The following CNTNAP4 variants were observed in gnomAD, a reference collection of about 807,000 sequenced individuals.
CNTNAP4 encodes contactin-associated protein-like 4.
A neutral mutation model predicts 148.4 loss-of-function variants in CNTNAP4; 98 were observed. That is an observed-to-expected ratio of 0.66 (90% confidence interval 0.56 to 0.78). The LOEUF (loss-of-function observed/expected upper bound fraction) is 0.78, where lower values mean the gene tolerates loss of function less well. Among genes scored for constraint, CNTNAP4 ranks in the 30% least tolerant of loss-of-function variants. The pLI, the probability that CNTNAP4 is intolerant of heterozygous loss-of-function variation, is 0.00. For synonymous variants in CNTNAP4, 730 were observed against 565.1 expected (o/e 1.29, Z -4.14); for missense variants, 1,935 against 1,565.6 (o/e 1.24, Z -3.98).
intron 8 of CNTNAP4, among the ~76,000 whole-genome samples, chr16:76,454,190 C>A (rs2080633193): frequency 6.6e-6 from 1 of 151,346 alleles, no homozygotes; most frequent in Non-Finnish European, 1.5e-5. Flanking sequence ...TCTCAGCTCA[C>A]CGCAACCTCC....
chr16:76,523,298 C>G (rs931419240), intron 17 of CNTNAP4, among the ~76,000 whole-genome samples: 6 of 137,330 alleles, frequency 4.4e-5, no homozygotes, highest in Admixed American at 1.6e-4. Context: ...GAAAAGAAAA[C>G]AAAACAGATA....
At position 76,558,999 on chromosome 16, in the gene CNTNAP4, T is replaced by A. The variant is rs1046725189; in HGVS notation, c.*316T>A. The A allele has an allele frequency of 5.6e-6, 1 of 179,640 alleles. No individual in the cohort carries two copies. The highest frequency in any genetic ancestry group is 2.3e-5 in the African/African-American group (1 of 42,644). The allele number at this position is 179,640 out of a possible 1,614,324, so 11.1% of individuals were successfully genotyped here. Reference sequence around the variant, plus strand: ...AACTGTAGCCTTGGTCTCTTAACCATGTAATACATAAGTTTTGTTAGAGGT... The same window carrying A: ...AACTGTAGCCTTGGTCTCTTAACCAAGTAATACATAAGTTTTGTTAGAGGT... On this transcript the variant is annotated 3_prime_UTR_variant, in exon 24 of 24. Transcript: ENST00000611870.
At chr16:76,482,918 T>C (rs991109348) in intron 12 of CNTNAP4, among the ~76,000 whole-genome samples, 2 of 152,216 alleles carry the variant, frequency 1.3e-5, no homozygotes, top group African/African-American at 4.8e-5. Flanking sequence ...AACTTCAGTA[T>C]GCACTGGCAA....
At chr16:76,522,692 T>TCTC (rs1411256169) in intron 17 of CNTNAP4, among the ~76,000 whole-genome samples, 984 of 9,888 alleles carry the variant, frequency 0.1, 89 homozygotes, top group Admixed American at 0.14. Context: ...CTCTCCTTTC[T>TCTC]TTTCTTTTCT....
At chr16:76,372,533 C>T (rs548136846) in intron 3 of CNTNAP4, among the ~76,000 whole-genome samples, 5 of 152,204 alleles carry the variant, frequency 3.3e-5, no homozygotes, top group South Asian at 2.1e-4. Context: ...AATTGAATCA[C>T]GTGGGCAGTT....
At chr16:76,363,468 C>G (rs1418921190) in intron 3 of CNTNAP4, among the ~76,000 whole-genome samples, 1 of 151,996 alleles carries the variant, frequency 6.6e-6, no homozygotes, top group African/African-American at 2.4e-5. Context: ...AGCCTGGACC[C>G]TTATACCGTA....
intron 10 of CNTNAP4, among the ~76,000 whole-genome samples, chr16:76,472,974 A>G (rs2081427522): frequency 1.3e-5 from 2 of 152,198 alleles, no homozygotes; most frequent in African/African-American, 4.8e-5. Flanking sequence ...TAAAAAATAA[A>G]AAGACATAAG....
chr16:76,546,241 G>A (rs970768932), intron 21 of CNTNAP4, among the ~76,000 whole-genome samples: 1 of 152,182 alleles, frequency 6.6e-6, no homozygotes, highest in Admixed American at 6.5e-5. Context: ...AGGAGATACT[G>A]CAAGATCAGT....
chr16:76,460,725 C>A (rs2080914144), intron 8 of CNTNAP4, among the ~76,000 whole-genome samples: 1 of 100,204 alleles, frequency 1.0e-5, no homozygotes, highest in Non-Finnish European at 2.0e-5. Flanking sequence ...TGCACTCCAG[C>A]CTGGGCGACA....
At chr16:76,427,668 A>C in intron 4 of CNTNAP4, 69 bp downstream of exon 4, 1 of 1,390,342 alleles carries the variant, frequency 7.2e-7, no homozygotes, top group Non-Finnish European at 9.7e-7. Flanking sequence ...CAAACTACAA[A>C]CTGAAATGGA....
At chr16:76,440,857 T>A (rs2080010889) in intron 4 of CNTNAP4, among the ~76,000 whole-genome samples, 1 of 152,110 alleles carries the variant, frequency 6.6e-6, no homozygotes, top group Non-Finnish European at 1.5e-5. Flanking sequence ...AGGAGGACAT[T>A]GCTTTTTCAA....
chr16:76,314,822 A>G (rs1961531788), intron 1 of CNTNAP4, among the ~76,000 whole-genome samples: 1 of 152,184 alleles, frequency 6.6e-6, no homozygotes, highest in Admixed American at 6.5e-5. Context: ...AGAGCATTCC[A>G]TCACATTAAA....
At chr16:76,448,743 C>T in intron 5 of CNTNAP4, 24 bp from the exon 6 acceptor site, 4 of 1,516,902 alleles carry the variant, frequency 2.6e-6, no homozygotes, top group East Asian at 2.4e-5. Context: ...AATAATGGTG[C>T]TGTTATTTTT....
chr16:76,385,255 T>C (rs939586427), intron 3 of CNTNAP4, among the ~76,000 whole-genome samples: 3 of 152,198 alleles, frequency 2.0e-5, no homozygotes, highest in Admixed American at 1.3e-4. Flanking sequence ...GACAGTTATG[T>C]TTTATAAAGT....
At chr16:76,467,298 A>T in intron 9 of CNTNAP4, 54 bp from the exon 10 acceptor site, 1 of 1,496,518 alleles carries the variant, frequency 6.7e-7, no homozygotes, top group Non-Finnish European at 9.2e-7. Flanking sequence ...GTTATCTATG[A>T]TCCTGAATTC....
chr16:76,506,335 G>A lies in CNTNAP4; in HGVS notation c.2365+7641G>A, dbSNP rs1389777093. ...GAGACTGTGATTCAGGGGGTGTGGG[G>A]GTAGGAGAATCTTTCCTTATCTCCC... On this transcript the variant is annotated intron_variant, in intron 15 of 23. Transcript: ENST00000611870. 3.2e-5 allele frequency among the ~76,000 whole-genome samples: 3 copies of A among 93,270 alleles called. 1 individual carries two copies. The East Asian group carries it at 1.8e-3, about 54-fold the overall frequency. The allele number at this position is 93,270 out of a possible 152,430, so 61.2% of individuals were successfully genotyped here.
chr16:76,349,283 A>G (rs1053342117), intron 2 of CNTNAP4, among the ~76,000 whole-genome samples: 1 of 152,120 alleles, frequency 6.6e-6, no homozygotes, highest in African/African-American at 2.4e-5. Flanking sequence ...TGTCCTCACA[A>G]AATCCTGAAA....
intron 2 of CNTNAP4, among the ~76,000 whole-genome samples, chr16:76,348,255 T>A (rs1040216032): frequency 2.0e-5 from 3 of 151,276 alleles, no homozygotes; most frequent in African/African-American, 7.3e-5. Flanking sequence ...TGGGAAAGGA[T>A]GTGAATAGAG....
chr16:76,517,683 A>T (rs1440759854), intron 15 of CNTNAP4, among the ~76,000 whole-genome samples: 1 of 152,222 alleles, frequency 6.6e-6, no homozygotes, highest in Non-Finnish European at 1.5e-5. Context: ...AAATTCATAT[A>T]TTGCACAATT....
Sources: allele counts gnomAD v4.1 joint callset (sites outside exome capture counted in the v4.1 genomes callset), GRCh38; gene constraint gnomAD v4.1.1; transcripts MANE v1.5; gene names NCBI Gene and HGNC (gene_info 2026-07-23, HGNC 2026-07-21).